FIG4: variants seen among roughly 807,000 people sequenced by gnomAD.
FIG4 encodes FIG4 phosphoinositide 5-phosphatase, also known as polyphosphoinositide phosphatase.
Under a neutral mutation model 118.6 loss-of-function variants are expected in FIG4, and 112 were observed. That is an observed-to-expected ratio of 0.94 (90% confidence interval 0.81 to 1.11). FIG4 has a LOEUF of 1.11. Among genes scored for constraint, FIG4 ranks in the 50% least tolerant of loss-of-function variants. The pLI, the probability that FIG4 is intolerant of heterozygous loss-of-function variation, is 0.00. For missense variants in FIG4, 969 were observed against 1,111.7 expected (o/e 0.87, Z 1.83); for synonymous variants, 369 against 381.2 (o/e 0.97, Z 0.37).
At chr6:109,726,568 G>A (rs951270101) in intron 3 of FIG4, among the ~76,000 whole-genome samples, 1 of 152,040 alleles carries the variant, frequency 6.6e-6, no homozygotes, top group Admixed American at 6.6e-5. Flanking sequence ...GCTTAGGATT[G>A]TCTTGGTGTC....
At chr6:109,747,291 A>G (rs1289568678) in intron 10 of FIG4, among the ~76,000 whole-genome samples, 1 of 152,076 alleles carries the variant, frequency 6.6e-6, no homozygotes, top group Non-Finnish European at 1.5e-5. Flanking sequence ...GTGAGAAGGA[A>G]AAACCTCAGA....
intron 22 of FIG4, among the ~76,000 whole-genome samples, chr6:109,806,317 A>G (rs1778562929): frequency 6.6e-6 from 1 of 152,190 alleles, no homozygotes; most frequent in Admixed American, 6.5e-5. Context: ...GACCCATAAT[A>G]AGAAACTCAA....
intron 21 of FIG4, 86 bp from the exon 22 acceptor site, chr6:109,796,679 G>A (rs1284835433): frequency 2.8e-5 from 23 of 831,326 alleles, no homozygotes; most frequent in Non-Finnish European, 4.9e-5. Context: ...ACTGAAATTT[G>A]AAAGCTTACA....
At chr6:109,791,298 C>T in intron 19 of FIG4, 78 bp from the exon 20 acceptor site, 2 of 1,258,256 alleles carry the variant, frequency 1.6e-6, no homozygotes, top group Non-Finnish European at 2.3e-6. Context: ...AGGCCTAAGG[C>T]TTTGGGACAG....
intron 10 of FIG4, among the ~76,000 whole-genome samples, chr6:109,758,187 A>G (rs1360162520): frequency 6.6e-6 from 1 of 152,262 alleles, no homozygotes; most frequent in Non-Finnish European, 1.5e-5. Context: ...TGTAGGCATC[A>G]TGCTACCTGA....
In FIG4 at chr6:109,760,340, A is replaced by G. The variant is rs142463699; in HGVS notation, c.1228A>G (p.Thr410Ala). Residue 410 changes from threonine (T) to alanine (A), a missense_variant, in exon 11 of 23, where the codon ACT (threonine) becomes GCT (alanine). This residue lies in a region of FIG4 where 246 missense variants were observed against 354.3 expected (regional missense o/e 0.69). Coordinates refer to ENST00000230124, the MANE Select transcript of FIG4 (RefSeq NM_014845.6). ...YLNQFLPPEHTIVYIPWDMAK... is the reference protein window; with the variant it reads ...YLNQFLPPEHAIVYIPWDMAK... ...CAACCAATTTTTGCCTCCTGAGCAC[A>G]CTATTGTTTATATTCCCTGGGACAT... The G allele has an allele frequency of 3.0e-5, 49 of 1,612,958 alleles. No individual in the cohort carries two copies. Among genetic ancestry groups the G allele is most frequent in the Non-Finnish European group, 3.7e-5 (44 of 1,179,070 alleles).
chr6:109,735,432 T>C, intron 6 of FIG4, 134 bp downstream of exon 6: 1 of 804,188 alleles, frequency 1.2e-6, no homozygotes. Context: ...TTGTTTTGGA[T>C]ATGTGAAGTT....
Position 109,721,230 on chromosome 6 carries a change from T to C in FIG4, c.289+4662T>C, listed in dbSNP as rs546656734. Among the ~76,000 whole-genome samples, 6 of 152,262 alleles carry C rather than the reference T, an allele frequency of 3.9e-5. No individual in the cohort carries two copies. The South Asian group carries it at 1.2e-3, about 32-fold the overall frequency. On this transcript the variant is annotated intron_variant, in intron 3 of 22. Transcript: ENST00000230124. ...TGAAAACACCAAAAAAGTGTGAGTCTCAGACTAGTTAGGGGGCAGTATGAT... is the reference window on the plus strand; with the variant it reads ...TGAAAACACCAAAAAAGTGTGAGTCCCAGACTAGTTAGGGGGCAGTATGAT...
intron 10 of FIG4, among the ~76,000 whole-genome samples, chr6:109,745,010 A>G (rs992575173): frequency 6.6e-6 from 1 of 152,080 alleles, no homozygotes; most frequent in Non-Finnish European, 1.5e-5. Context: ...CATGGTGTAT[A>G]TGTGTCACAT....
At chr6:109,784,002 C>G (rs1777881945) in intron 16 of FIG4, among the ~76,000 whole-genome samples, 1 of 152,124 alleles carries the variant, frequency 6.6e-6, no homozygotes, top group Non-Finnish European at 1.5e-5. Flanking sequence ...CCCTGTGTTG[C>G]CAGTTTCATT....
chr6:109,691,623 G>C, intron 1 of FIG4, 122 bp downstream of exon 1: 1 of 929,692 alleles, frequency 1.1e-6, no homozygotes, highest in Non-Finnish European at 1.7e-6. Flanking sequence ...CCAAATCCCT[G>C]TCAAACACAG....
chr6:109,756,470 C>A (rs937114676), intron 10 of FIG4, among the ~76,000 whole-genome samples: 1 of 151,852 alleles, frequency 6.6e-6, no homozygotes, highest in Non-Finnish European at 1.5e-5. Flanking sequence ...TTTCCTGAAT[C>A]TGAATGTTGG....
rs568339377 is a variant in FIG4, at chr6:109,711,582, T to C, written c.67-3496T>C. On this transcript the variant is annotated intron_variant, in intron 1 of 22. Transcript: ENST00000230124. ...ACTCTGTTTTGTCAGAAACTAGAAT[T>C]GCAACCCCTGCTTTTTTCTGTTTCC... 5.3e-4 allele frequency among the ~76,000 whole-genome samples: 80 copies of C among 152,288 alleles called. No individual in the cohort carries two copies. In the South Asian group the frequency reaches 0.016, roughly 31 times the overall value.
In FIG4 at chr6:109,795,095, G is replaced by GTTTTTTTTTTTTTTTTTTTTTTTTTT. The variant is rs571649446; in HGVS notation, c.2460-1655_2460-1630dup. Among the ~76,000 whole-genome samples, 2 of 57,194 alleles carry GTTTTTTTTTTTTTTTTTTTTTTTTTT rather than the reference G, an allele frequency of 3.5e-5. 1 individual carries two copies. Among genetic ancestry groups the GTTTTTTTTTTTTTTTTTTTTTTTTTT allele is most frequent in the Non-Finnish European group, 7.0e-5 (2 of 28,706 alleles). The allele number at this position is 57,194 out of a possible 152,430, so 37.5% of individuals were successfully genotyped here. ...TCCTCAAAGCTTCATACACTTGCCA[G>GTTTTTTTTTTTTTTTTTTTTTTTTTT]TTTTTTTTTTTTTTTTTTTTTTTTT... On this transcript the variant is annotated intron_variant, in intron 21 of 22. Coordinates refer to ENST00000230124, the MANE Select transcript of FIG4 (RefSeq NM_014845.6).
At chr6:109,752,377 T>C (rs1386749104) in intron 10 of FIG4, among the ~76,000 whole-genome samples, 1 of 151,454 alleles carries the variant, frequency 6.6e-6, no homozygotes, top group Non-Finnish European at 1.5e-5. Flanking sequence ...CTGGGTCAAA[T>C]GGTATTTCTA....
At chr6:109,794,310 T>G (rs2128397839) in intron 21 of FIG4, among the ~76,000 whole-genome samples, 1 of 152,344 alleles carries the variant, frequency 6.6e-6, no homozygotes, top group South Asian at 2.1e-4. Context: ...ATCCTGTGTT[T>G]CTGGGTACCG....
intron 10 of FIG4, among the ~76,000 whole-genome samples, chr6:109,749,566 A>G (rs192459728): frequency 1.3e-4 from 16 of 122,370 alleles, no homozygotes; most frequent in Non-Finnish European, 1.7e-4. Context: ...GTGGATTTAG[A>G]CAGAGCACGA....
chr6:109,697,929 C>G (rs932910886), intron 1 of FIG4, among the ~76,000 whole-genome samples: 4 of 151,736 alleles, frequency 2.6e-5, no homozygotes, highest in African/African-American at 9.7e-5. Flanking sequence ...TGCACTGTCG[C>G]CCAGGCTGGA....
intron 10 of FIG4, among the ~76,000 whole-genome samples, chr6:109,759,499 C>G (rs1777034089): frequency 6.6e-6 from 1 of 152,136 alleles, no homozygotes. Flanking sequence ...TGTTTTTACC[C>G]TATTTTATAG....
Sources: gnomAD v4.1 joint callset for allele counts (sites outside exome capture counted in the v4.1 genomes callset) on GRCh38, gnomAD v4.1.1 for gene constraint, gnomAD v4.1.1 regional missense constraint, MANE v1.5 for transcripts, NCBI Gene and HGNC (gene_info 2026-07-23, HGNC 2026-07-21) for gene names.